The following USP9X variants were observed in gnomAD, a reference collection of about 807,000 sequenced individuals.
The protein encoded by USP9X is ubiquitin specific peptidase 9 X-linked.
In USP9X, 7 loss-of-function variants were observed where a neutral mutation model predicts 190.3. The observed-to-expected ratio is 0.04, with a 90% CI of 0.02 to 0.07. The LOEUF is 0.07. Among genes scored for constraint, USP9X ranks in the 10% least tolerant of loss-of-function variants. The pLI, the probability that USP9X is intolerant of heterozygous loss-of-function variation, is 1.00. For synonymous variants in USP9X, 645 were observed against 659.5 expected (o/e 0.98, Z 0.34); for missense variants, 1,010 against 1,916.9 (o/e 0.53, Z 8.83).
chrX:41,187,128 C>T (rs749749280), intron 24 of USP9X, among the ~76,000 whole-genome samples: 74 of 112,264 alleles, frequency 6.6e-4, no homozygotes, highest in African/African-American at 2.3e-3. Flanking sequence ...CCACCATGCC[C>T]GGCCCAGATT....
At chrX:41,188,524 A>G (rs1242745950) in intron 25 of USP9X, among the ~76,000 whole-genome samples, 1 of 112,352 alleles carries the variant, frequency 8.9e-6, no homozygotes, top group Non-Finnish European at 1.9e-5. Flanking sequence ...AGCCAATTAG[A>G]TATCATTCCT....
rs1458050820 is a variant in USP9X, at chrX:41,205,407, C to G, written c.4929C>G (p.Val1643=). Residue 1643 remains valine (V), a synonymous_variant, in exon 32 of 45, where the codon GTC becomes GTG. Transcript: ENST00000378308. ...ATAGAAAAGAGTACAACATTGGTGT[C>G]CTAAGACACCTTCAGGTCATCTTTG... ...TEDRKEYNIG[V]LRHLQVIFGH... 1 of 1,208,154 alleles carries G rather than the reference C, an allele frequency of 8.3e-7. No individual in the cohort carries two copies.
At chrX:41,098,134 G>A (rs949134417) in intron 1 of USP9X, among the ~76,000 whole-genome samples, 1 of 107,816 alleles carries the variant, frequency 9.3e-6, no homozygotes, top group Non-Finnish European at 1.9e-5. Flanking sequence ...CAAATACCCT[G>A]ACCTCTTTTT....
chrX:41,224,283 A>G (rs1252621854), intron 39 of USP9X, among the ~76,000 whole-genome samples: 1 of 111,476 alleles, frequency 9.0e-6, no homozygotes, highest in Non-Finnish European at 1.9e-5. Context: ...ATTATAATGC[A>G]TAATGTTACT....
intron 1 of USP9X, among the ~76,000 whole-genome samples, chrX:41,111,905 G>T (rs1444769953): frequency 1.9e-5 from 2 of 107,597 alleles, no homozygotes; most frequent in African/African-American, 3.4e-5. Flanking sequence ...GAGTGCGGTG[G>T]CACAATCTTG....
chrX:41,203,215 A>G (rs1033384748), intron 31 of USP9X, among the ~76,000 whole-genome samples: 1 of 112,089 alleles, frequency 8.9e-6, no homozygotes. Context: ...CATGAAACTT[A>G]CCATCTGTTT....
intron 1 of USP9X, among the ~76,000 whole-genome samples, chrX:41,120,644 G>A (rs961255878): frequency 9.2e-6 from 1 of 109,257 alleles, no homozygotes; most frequent in African/African-American, 3.3e-5. Context: ...GACTACAGGT[G>A]CCCGCCACCA....
chrX:41,198,395 TCTG>T, intron 29 of USP9X, 130 bp from the exon 30 acceptor site: 1 of 322,684 alleles, frequency 3.1e-6, no homozygotes, highest in Non-Finnish European at 5.0e-6. Context: ...TATTAGAAAA[TCTG>T]AGTTTTCTGA....
chrX:41,170,457 A>G lies in USP9X; in HGVS notation c.2878-13A>G. 1.7e-6 allele frequency: 2 copies of G among 1,205,003 alleles called. No homozygotes were observed. The highest frequency in any genetic ancestry group is 2.2e-6 in the Non-Finnish European group (2 of 890,398). On this transcript the variant is annotated splice_polypyrimidine_tract_variant and intron_variant, in intron 19 of 44. Coordinates refer to ENST00000378308, the MANE Select transcript of USP9X (RefSeq NM_001039591.3). The stretch of plus-strand genomic sequence containing the variant: ...TCCTTGTTTTTGATATTAACATAGT[A>G]TATAATTTTCAGCTTATTACAGCCA...
intron 13 of USP9X, 99 bp downstream of exon 13, chrX:41,151,156 G>C (rs2062521328): frequency 1.2e-6 from 1 of 865,901 alleles, no homozygotes; most frequent in African/African-American, 2.1e-5. Context: ...TTTTAAATTA[G>C]TGGAGTGAGA....
At chrX:41,129,353 G>C (rs1254989602) in intron 3 of USP9X, among the ~76,000 whole-genome samples, 2 of 112,189 alleles carry the variant, frequency 1.8e-5, no homozygotes, top group African/African-American at 6.5e-5. Flanking sequence ...AAGTAAAATT[G>C]TATGTTCAGT....
At chrX:41,173,977 A>AT (rs910525808) in intron 21 of USP9X, among the ~76,000 whole-genome samples, 1 of 111,726 alleles carries the variant, frequency 9.0e-6, no homozygotes, top group African/African-American at 3.3e-5. Flanking sequence ...ATAATACCAT[A>AT]TTTTTACTGT....
intron 14 of USP9X, among the ~76,000 whole-genome samples, chrX:41,156,697 A>C (rs760138695): frequency 8.9e-6 from 1 of 111,847 alleles, no homozygotes; most frequent in South Asian, 3.7e-4. Context: ...TCCTCCCTCT[A>C]TCTCCTGAAC....
intron 26 of USP9X, among the ~76,000 whole-genome samples, chrX:41,193,230 C>G (rs1033078366): frequency 9.0e-6 from 1 of 111,145 alleles, no homozygotes; most frequent in Non-Finnish European, 1.9e-5. Flanking sequence ...GACATTGACC[C>G]TAAGTGAGAT....
intron 2 of USP9X, among the ~76,000 whole-genome samples, chrX:41,128,006 ATAT>A (rs768340898): frequency 8.9e-6 from 1 of 112,262 alleles, no homozygotes. Context: ...AGTTGTGAAA[ATAT>A]TATGCACTGT....
rs2062910027 is a variant in USP9X at position 41,189,296 on chromosome X, T to G, written c.3811-13T>G. 1 of 1,198,343 alleles carries G rather than the reference T, an allele frequency of 8.3e-7. No individual in the cohort carries two copies. The highest frequency in any genetic ancestry group is 1.1e-6 in the Non-Finnish European group (1 of 889,049). On this transcript the variant is annotated splice_polypyrimidine_tract_variant and intron_variant, in intron 25 of 44. Transcript: ENST00000378308. ...CTTCTTTGGGTAATTTGTTCTTGAT[T>G]GTAATTTTACAGACCAATGCAGGCA...
chrX:41,086,724 C>T (rs1037551747), intron 1 of USP9X, among the ~76,000 whole-genome samples: 1 of 112,597 alleles, frequency 8.9e-6, no homozygotes, highest in Admixed American at 9.3e-5. Context: ...TCCTTCGCCC[C>T]GCTTTATTTG....
chrX:41,124,337 C>T (rs780429860), intron 2 of USP9X, among the ~76,000 whole-genome samples: 22 of 107,643 alleles, frequency 2.0e-4, no homozygotes, highest in Admixed American at 8.0e-4. Flanking sequence ...CCCAGCTGCT[C>T]GGGAGGCTGA....
At chrX:41,229,955 C>CT in intron 43 of USP9X, 176 bp downstream of exon 43, 1 of 843,165 alleles carries the variant, frequency 1.2e-6, no homozygotes, top group East Asian at 3.5e-5. Flanking sequence ...AATCCCAACA[C>CT]TTTGGGAGGC....
Sources: allele counts gnomAD v4.1 joint callset (sites outside exome capture counted in the v4.1 genomes callset), GRCh38; gene constraint gnomAD v4.1.1; transcripts MANE v1.5; gene names NCBI Gene and HGNC (gene_info 2026-07-23, HGNC 2026-07-21).